The following BORCS5 variants were observed in gnomAD, a reference collection of about 807,000 sequenced individuals.
BORCS5 encodes BLOC-1 related complex subunit 5.
In BORCS5, 17 loss-of-function variants were observed where a neutral mutation model predicts 22.1. The observed-to-expected ratio is 0.77, with a 90% confidence interval of 0.53 to 1.15. The LOEUF is 1.15. Ranked by LOEUF, BORCS5 falls within the 50% of genes most tolerant of loss-of-function variation. The pLI is 0.00. For missense variants in BORCS5, 247 were observed against 253.2 expected (o/e 0.98, Z 0.17); for synonymous variants, 117 against 99.8 (o/e 1.17, Z -1.03).
intron 2 of BORCS5, among the ~76,000 whole-genome samples, chr12:12,428,901 G>T (rs1201730149): frequency 6.6e-6 from 1 of 152,124 alleles, no homozygotes; most frequent in Non-Finnish European, 1.5e-5. Flanking sequence ...AATCCTAAGT[G>T]TAAAAAACAT....
chr12:12,407,490 A>G (rs539791490), intron 2 of BORCS5, among the ~76,000 whole-genome samples: 2 of 152,166 alleles, frequency 1.3e-5, no homozygotes, highest in Non-Finnish European at 2.9e-5. Context: ...TAAAATATGT[A>G]TAACATACAA....
chr12:12,357,592 CTGCGG>C (rs1863173346), intron 1 of BORCS5, 83 bp downstream of exon 1: 1 of 1,431,058 alleles, frequency 7.0e-7, no homozygotes, highest in East Asian at 2.4e-5. Flanking sequence ...GGGTCAGGGA[CTGCGG>C]ACGGGAACGC....
intron 2 of BORCS5, among the ~76,000 whole-genome samples, chr12:12,424,228 C>T (rs1017910242): frequency 6.6e-6 from 1 of 152,110 alleles, no homozygotes; most frequent in Non-Finnish European, 1.5e-5. Context: ...GTTCACTTTT[C>T]CTTAATCTTT....
rs150829239 is a variant in BORCS5, at chr12:12,465,670, G to T, written c.485G>T (p.Gly162Val). ...GCCATCCTCCGCCGCATACAGATGGGCATCGACCAGACTGTGCCCCTGCTG... is the reference window on the plus strand; with the variant it reads ...GCCATCCTCCGCCGCATACAGATGGTCATCGACCAGACTGTGCCCCTGCTG... Reference protein sequence around the residue: ...MSAILRRIQMGIDQTVPLLDR... With the variant: ...MSAILRRIQMVIDQTVPLLDR... The change falls in exon 4 of 4, where the codon GGC becomes GTC. Residue 162 changes from glycine (G) to valine (V), a missense_variant. Coordinates refer to ENST00000314565, the MANE Select transcript of BORCS5 (RefSeq NM_058169.6). 6.2e-7 allele frequency: 1 copy of T among 1,614,132 alleles called. No individual in the cohort carries two copies. Among genetic ancestry groups the T allele is most frequent in the Non-Finnish European group, 8.5e-7 (1 of 1,180,060 alleles).
At chr12:12,434,962 T>A (rs1464214462) in intron 2 of BORCS5, among the ~76,000 whole-genome samples, 1 of 152,208 alleles carries the variant, frequency 6.6e-6, no homozygotes, top group Non-Finnish European at 1.5e-5. Context: ...TTTCTTCTCC[T>A]GCAAATGCTA....
intron 2 of BORCS5, among the ~76,000 whole-genome samples, chr12:12,423,229 C>G (rs992928386): frequency 6.6e-6 from 1 of 152,036 alleles, no homozygotes; most frequent in Non-Finnish European, 1.5e-5. Flanking sequence ...GTCTCAATCT[C>G]CTGACCTCGT....
At chr12:12,372,433 C>G (rs1445256789) in intron 2 of BORCS5, among the ~76,000 whole-genome samples, 1 of 152,146 alleles carries the variant, frequency 6.6e-6, no homozygotes, top group Non-Finnish European at 1.5e-5. Context: ...CAGCCTCAAC[C>G]CCCCTGGGCT....
intron 2 of BORCS5, among the ~76,000 whole-genome samples, chr12:12,362,365 A>G (rs1284934021): frequency 1.3e-5 from 2 of 152,192 alleles, no homozygotes; most frequent in East Asian, 1.9e-4. Flanking sequence ...ATATTGTCTT[A>G]TTCTTACCAG....
At chr12:12,426,607 A>G (rs1350252303) in intron 2 of BORCS5, among the ~76,000 whole-genome samples, 1 of 152,240 alleles carries the variant, frequency 6.6e-6, no homozygotes, top group Non-Finnish European at 1.5e-5. Context: ...GCTTACCACA[A>G]ATTCCCTTGA....
At position 12,470,676 on chromosome 12, in the gene BORCS5, G is replaced by GGTT. The variant is rs113802317; in HGVS notation, c.*4900_*4901insGTT. 1.3e-4 allele frequency among the ~76,000 whole-genome samples: 19 copies of GGTT among 146,516 alleles called. No homozygotes were observed. Among genetic ancestry groups the GGTT allele is most frequent in the African/African-American group, 4.5e-4 (18 of 39,922 alleles). The stretch of plus-strand genomic sequence containing the variant: ...ATAAATAACATTGAATTTCATGTGG[G>GGTT]TTTTTTTTTTTTGACACACCAGGCA... On this transcript the variant is annotated 3_prime_UTR_variant, in exon 4 of 4. Transcript: ENST00000314565.
In BORCS5 at chr12:12,447,325, C is replaced by T. The variant is rs79171384; in HGVS notation, c.360+11540C>T. ...CTCTCCCATCAGCAACCGCCAACATCCTGGCACATGCAGAGGTCCCGGTTT... is the reference window on the plus strand; with the variant it reads ...CTCTCCCATCAGCAACCGCCAACATTCTGGCACATGCAGAGGTCCCGGTTT... On this transcript the variant is annotated intron_variant, in intron 3 of 3. Coordinates refer to ENST00000314565, the MANE Select transcript of BORCS5 (RefSeq NM_058169.6). Among the ~76,000 whole-genome samples, 260 of 152,340 alleles carry T rather than the reference C, an allele frequency of 1.7e-3. 1 individual carries two copies. The highest frequency in any genetic ancestry group is 5.0e-3 in the East Asian group (26 of 5,186).
chr12:12,372,887 C>G lies in BORCS5; in HGVS notation c.202+11538C>G, dbSNP rs1378739350. Among the ~76,000 whole-genome samples, 3 of 150,450 alleles carry G rather than the reference C, an allele frequency of 2.0e-5. No individual in the cohort carries two copies. In the East Asian group the frequency reaches 5.9e-4, roughly 30 times the overall value. ...AGATCTCAAGGCTGCCCCCTTCTCT[C>G]CCATATTCTGTTGTGTAAATCCTAC... On this transcript the variant is annotated intron_variant, in intron 2 of 3. Coordinates refer to ENST00000314565, the MANE Select transcript of BORCS5 (RefSeq NM_058169.6).
In BORCS5 at chr12:12,449,978, G is replaced by A. The variant is rs573902400; in HGVS notation, c.360+14193G>A. ...GATTGGATTTTGTCATTTGATTTTT[G>A]ACACTGATTAATGATAGATTTTTAT... On this transcript the variant is annotated intron_variant, in intron 3 of 3. Coordinates refer to ENST00000314565, the MANE Select transcript of BORCS5 (RefSeq NM_058169.6). Among the ~76,000 whole-genome samples, 3 of 152,290 alleles carry A rather than the reference G, an allele frequency of 2.0e-5. No individual in the cohort carries two copies. In the East Asian group the frequency reaches 5.8e-4, roughly 29 times the overall value.
intron 2 of BORCS5, among the ~76,000 whole-genome samples, chr12:12,425,861 ACAGCC>A (rs1249744952): frequency 0.013 from 2,049 of 152,310 alleles, 37 homozygotes; most frequent in African/African-American, 0.046. Context: ...GGCCAGTCAT[ACAGCC>A]AGCTTTTGAA....
At chr12:12,442,913 C>T (rs916497914) in intron 3 of BORCS5, among the ~76,000 whole-genome samples, 4 of 152,250 alleles carry the variant, frequency 2.6e-5, no homozygotes, top group Middle Eastern at 3.4e-3. Flanking sequence ...TGTTTAAGAC[C>T]CAGCTGGAGT....
chr12:12,390,930 G>A (rs986705853), intron 2 of BORCS5, among the ~76,000 whole-genome samples: 3 of 151,984 alleles, frequency 2.0e-5, no homozygotes, highest in African/African-American at 7.3e-5. Context: ...TTAATGAATT[G>A]TAAAGAACAG....
chr12:12,385,351 A>G (rs540151552), intron 2 of BORCS5, among the ~76,000 whole-genome samples: 1 of 151,296 alleles, frequency 6.6e-6, no homozygotes, highest in Non-Finnish European at 1.5e-5. Context: ...GATGCTACCT[A>G]TTGTTCCAAA....
intron 1 of BORCS5, among the ~76,000 whole-genome samples, chr12:12,360,506 C>T (rs1863256664): frequency 6.6e-6 from 1 of 151,222 alleles, no homozygotes; most frequent in African/African-American, 2.4e-5. Flanking sequence ...ATCCTCCCAT[C>T]TCAGCTTCCT....
intron 2 of BORCS5, among the ~76,000 whole-genome samples, chr12:12,411,584 T>C (rs772143806): frequency 6.6e-6 from 1 of 152,224 alleles, no homozygotes; most frequent in Non-Finnish European, 1.5e-5. Flanking sequence ...GTTGATAGTA[T>C]CTTTTCATGC....
Sources: allele counts gnomAD v4.1 joint callset (sites outside exome capture counted in the v4.1 genomes callset), GRCh38; gene constraint gnomAD v4.1.1; transcripts MANE v1.5; gene names NCBI Gene and HGNC (gene_info 2026-07-23, HGNC 2026-07-21).